The following SPATA9 variants were observed in gnomAD, a reference collection of about 807,000 sequenced individuals.
SPATA9 encodes spermatogenesis-associated protein 9.
A neutral mutation model predicts 25.5 loss-of-function variants in SPATA9; 27 were observed. The observed-to-expected ratio is 1.06, with a 90% CI of 0.78 to 1.46. The LOEUF (loss-of-function observed/expected upper bound fraction) is 1.46, where lower values mean the gene tolerates loss of function less well. Ranked by LOEUF, SPATA9 falls within the 40% of genes most tolerant of loss-of-function variation. The pLI is 0.00. For synonymous variants in SPATA9, 102 were observed against 105.7 expected (o/e 0.97, Z 0.21); for missense variants, 282 against 297.5 (o/e 0.95, Z 0.38).
chr5:95,660,760 T>C (rs115336006), intron 4 of SPATA9, among the ~76,000 whole-genome samples: 3,454 of 152,332 alleles, frequency 0.023, 63 homozygotes, highest in South Asian at 0.034. Flanking sequence ...TGAACGGTCT[T>C]GATCAAGGTC....
intron 4 of SPATA9, among the ~76,000 whole-genome samples, chr5:95,662,759 AAG>A (rs1372366214): frequency 5.9e-5 from 9 of 152,344 alleles, no homozygotes; most frequent in Admixed American, 2.0e-4. Flanking sequence ...GAAATTAACA[AAG>A]AGGATATCCA....
chr5:95,655,962 C>G (rs2112525815), downstream of SPATA9: 1 of 1,307,972 alleles, frequency 7.6e-7, no homozygotes, highest in South Asian at 1.4e-5. Flanking sequence ...TTTTTTTAAC[C>G]TGGTTCTTCT....
intron 3 of SPATA9, among the ~76,000 whole-genome samples, chr5:95,672,455 G>GTTT (rs35342619): frequency 1.5e-4 from 21 of 143,166 alleles, no homozygotes; most frequent in Admixed American, 4.2e-4. Flanking sequence ...GCCAAAAGAG[G>GTTT]TTTTTTTTTT....
intron 1 of SPATA9, among the ~76,000 whole-genome samples, chr5:95,689,333 T>C (rs754472596): frequency 1.3e-5 from 2 of 152,230 alleles, no homozygotes; most frequent in African/African-American, 2.4e-5. Flanking sequence ...AGCAGGTTTA[T>C]GAGGGTAGTA....
At chr5:95,662,758 A>G (rs1036739177) in intron 4 of SPATA9, among the ~76,000 whole-genome samples, 2 of 152,270 alleles carry the variant, frequency 1.3e-5, no homozygotes, top group African/African-American at 2.4e-5. Flanking sequence ...AGAAATTAAC[A>G]AAGAGGATAT....
Position 95,667,625 on chromosome 5 carries a change from T to C in SPATA9, c.379-3577A>G, listed in dbSNP as rs137965392. Among the ~76,000 whole-genome samples the C allele has an allele frequency of 4.1e-3, 621 of 152,268 alleles. 7 individuals carry two copies. Among genetic ancestry groups the C allele is most frequent in the South Asian group, 9.5e-3 (46 of 4,820 alleles). Reference sequence around the variant, plus strand: ...TCTCTAGGAGGAAGAAAAGCAGATATACCTCCTAGCAGAGTGAAAAGGTTC... The same window carrying C: ...TCTCTAGGAGGAAGAAAAGCAGATACACCTCCTAGCAGAGTGAAAAGGTTC... On this transcript the variant is annotated intron_variant, in intron 3 of 4. Coordinates refer to ENST00000274432, the MANE Select transcript of SPATA9 (RefSeq NM_031952.4).
chr5:95,660,144 C>T (rs754407514), intron 4 of SPATA9, among the ~76,000 whole-genome samples: 4 of 151,996 alleles, frequency 2.6e-5, no homozygotes, highest in African/African-American at 7.3e-5. Flanking sequence ...GTGGGAAATC[C>T]GAGATCAAGG....
At chr5:95,721,842 T>C in the SPATA9 span, among the ~76,000 whole-genome samples, 1 of 152,130 alleles carries the variant, frequency 6.6e-6, no homozygotes, top group African/African-American at 2.4e-5. Context: ...AGCTAGGTGA[T>C]CTATTAGAAT....
At chr5:95,656,260 C>A, downstream of SPATA9, 3 of 1,613,260 alleles carry the variant, frequency 1.9e-6, no homozygotes, top group South Asian at 3.3e-5. Flanking sequence ...AAGTGTGACT[C>A]TGATTTTTAT....
intron 3 of SPATA9, among the ~76,000 whole-genome samples, chr5:95,667,819 T>C (rs1751964297): frequency 6.6e-6 from 1 of 152,132 alleles, no homozygotes. Flanking sequence ...TGGGAGGTCA[T>C]TGGATCATGG....
downstream of SPATA9, chr5:95,657,673 TA>T (rs1750842982): frequency 6.6e-6 from 1 of 152,180 alleles, no homozygotes; most frequent in South Asian, 2.1e-4. Context: ...TACATATTAT[TA>T]CACTTCCTTT....
At chr5:95,715,798 C>A in the SPATA9 span, among the ~76,000 whole-genome samples, 1 of 152,098 alleles carries the variant, frequency 6.6e-6, no homozygotes, top group Non-Finnish European at 1.5e-5. Context: ...AGATTAACTA[C>A]AGAATGAGAA....
chr5:95,694,422 A>T (rs917600367), intron 1 of SPATA9, among the ~76,000 whole-genome samples: 1 of 152,206 alleles, frequency 6.6e-6, no homozygotes, highest in East Asian at 1.9e-4. Flanking sequence ...ATAAGGAAAA[A>T]GAAAACTGGT....
chr5:95,678,189 C>T (rs1753120749), intron 2 of SPATA9, among the ~76,000 whole-genome samples: 1 of 152,100 alleles, frequency 6.6e-6, no homozygotes, highest in South Asian at 2.1e-4. Context: ...CCAGCCTGGC[C>T]AACCTGGTGA....
At chr5:95,731,916 G>A in the SPATA9 span, 1 of 1,614,108 alleles carries the variant, frequency 6.2e-7, no homozygotes, top group Non-Finnish European at 8.5e-7. Context: ...AGGACAACCG[G>A]CCGTCGGGGC....
chr5:95,655,129 C>A (rs1441071077), downstream of SPATA9, among the ~76,000 whole-genome samples: 1 of 152,156 alleles, frequency 6.6e-6, no homozygotes, highest in African/African-American at 2.4e-5. Flanking sequence ...GTGTACACAC[C>A]TGTCCTCATG....
chr5:95,674,773 G>GC (rs1752763997), intron 3 of SPATA9: 1 of 456,426 alleles, frequency 2.2e-6, no homozygotes, highest in Non-Finnish European at 4.4e-6. Flanking sequence ...CTCAATTGGA[G>GC]CCCCATTTTC....
At chr5:95,677,434 T>G (rs1194381653) in intron 2 of SPATA9, among the ~76,000 whole-genome samples, 1 of 152,208 alleles carries the variant, frequency 6.6e-6, no homozygotes, top group African/African-American at 2.4e-5. Context: ...AAGTTTTCAG[T>G]GCACAGTTCT....
At chr5:95,716,934 A>C in the SPATA9 span, 1 of 151,040 alleles carries the variant, frequency 6.6e-6, no homozygotes, top group African/African-American at 2.5e-5. Flanking sequence ...CATGTAAGAC[A>C]TGCCTTTGCT....
Sources: allele counts gnomAD v4.1 joint callset (sites outside exome capture counted in the v4.1 genomes callset), GRCh38; gene constraint gnomAD v4.1.1; transcripts MANE v1.5; gene names NCBI Gene and HGNC (gene_info 2026-07-23, HGNC 2026-07-21).